DGKH: variants seen among roughly 807,000 people sequenced by gnomAD.
The protein encoded by DGKH is diacylglycerol kinase eta.
DGKH carries 90 observed loss-of-function variants against 159.3 expected under a neutral mutation model. That is an observed-to-expected ratio of 0.57 (90% CI 0.48 to 0.67). The LOEUF (loss-of-function observed/expected upper bound fraction) is 0.67. Ranked by LOEUF, DGKH falls within the 30% of genes least tolerant of loss-of-function variation. The probability of loss-of-function intolerance (pLI) is 0.00; values close to 1 mark genes in which losing one functional copy is unlikely to be tolerated. For missense variants in DGKH, 1,181 were observed against 1,506.1 expected (o/e 0.78, Z 3.57); for synonymous variants, 536 against 553.8 (o/e 0.97, Z 0.45).
In DGKH at chr13:42,164,524, C is replaced by A. The variant is rs575100274; in HGVS notation, c.856-807C>A. On this transcript the variant is annotated intron_variant, in intron 7 of 29. Coordinates refer to ENST00000337343, the MANE Select transcript of DGKH (RefSeq NM_178009.5). ...TAATTATGCCAGTTTTCTAAAAGGA[C>A]TAATAAAATAAAGTCATATTAAATA... Among the ~76,000 whole-genome samples, 8 of 152,246 alleles carry A rather than the reference C, an allele frequency of 5.3e-5. No individual in the cohort carries two copies. In the South Asian group the frequency reaches 1.2e-3, roughly 24 times the overall value.
chr13:42,252,432 G>C (rs1206209557), exon 30 of DGKH: 1 of 151,954 alleles, frequency 6.6e-6, no homozygotes, highest in Non-Finnish European at 1.5e-5. Flanking sequence ...GTTCAAGATG[G>C]TCACCTGCTT....
At chr13:42,081,524 C>T (rs1477908944) in intron 1 of DGKH, among the ~76,000 whole-genome samples, 2 of 152,230 alleles carry the variant, frequency 1.3e-5, no homozygotes, top group African/African-American at 4.8e-5. Flanking sequence ...GCTACTGCGC[C>T]TGGCCTTTTT....
chr13:42,228,720 A>G (rs74855192), intron 29 of DGKH, among the ~76,000 whole-genome samples: 1 of 146,984 alleles, frequency 6.8e-6, no homozygotes, highest in East Asian at 2.0e-4. Flanking sequence ...AGAAAGAAAG[A>G]AAAGAAAGAA....
rs1555256374 is a variant in DGKH, at chr13:42,063,948, A to AAAT, written c.192+14984_192+14985insATA. On this transcript the variant is annotated intron_variant, in intron 1 of 29. Transcript: ENST00000337343. ...GAGCAAAACTCCGTCTGAAAAAAAA[A>AAAT]ATATATATATATATATACTGTGGGC... Among the ~76,000 whole-genome samples, 1,185 of 128,826 alleles carry AAAT rather than the reference A, an allele frequency of 9.2e-3. 18 individuals are homozygous for AAAT. The highest frequency in any genetic ancestry group is 0.029 in the African/African-American group (1,121 of 38,852). 84.5% of individuals were successfully genotyped at this position (128,826 alleles called of 152,430 possible).
intron 3 of DGKH, among the ~76,000 whole-genome samples, chr13:42,152,109 C>T (rs116551086): frequency 1.4e-3 from 211 of 152,058 alleles, no homozygotes; most frequent in African/African-American, 4.4e-3. Context: ...TGTCCTTTGC[C>T]CACTTTTTAA....
chr13:42,051,080 A>G (rs1050438900), intron 1 of DGKH, among the ~76,000 whole-genome samples: 1 of 152,226 alleles, frequency 6.6e-6, no homozygotes, highest in Admixed American at 6.5e-5. Flanking sequence ...AGCTAAGATT[A>G]TATGCTTATG....
chr13:42,106,138 G>A (rs1031752016), intron 1 of DGKH, among the ~76,000 whole-genome samples: 1 of 152,222 alleles, frequency 6.6e-6, no homozygotes, highest in South Asian at 2.1e-4. Flanking sequence ...CTCCTGAGTA[G>A]CTGGAATTAC....
At chr13:42,106,276 G>A (rs1954753858) in intron 1 of DGKH, among the ~76,000 whole-genome samples, 1 of 152,150 alleles carries the variant, frequency 6.6e-6, no homozygotes, top group African/African-American at 2.4e-5. Flanking sequence ...CCAAAGTGCT[G>A]GGATTACAGG....
chr13:42,157,959 C>T (rs1956084094), intron 5 of DGKH, among the ~76,000 whole-genome samples: 2 of 152,136 alleles, frequency 1.3e-5, no homozygotes, highest in South Asian at 2.1e-4. Flanking sequence ...AAGGTTTCAC[C>T]TTTGTGACCA....
chr13:42,168,182 GC>G (rs1472984416), intron 9 of DGKH, among the ~76,000 whole-genome samples: 9 of 152,054 alleles, frequency 5.9e-5, no homozygotes, highest in Non-Finnish European at 2.9e-5. Flanking sequence ...GGTTTCTGCT[GC>G]TTTTTTGTTT....
chr13:42,256,570 T>A, exon 31 of DGKH: 1 of 669,844 alleles, frequency 1.5e-6, no homozygotes, highest in Non-Finnish European at 2.7e-6. Flanking sequence ...AACGTGTATA[T>A]AATTTTTTAA....
At chr13:42,121,324 G>T (rs998823506) in intron 1 of DGKH, among the ~76,000 whole-genome samples, 1 of 152,170 alleles carries the variant, frequency 6.6e-6, no homozygotes, top group African/African-American at 2.4e-5. Flanking sequence ...CCACCTGTAG[G>T]CTAACGTAAG....
At chr13:42,078,327 G>T (rs892202252) in intron 1 of DGKH, among the ~76,000 whole-genome samples, 1 of 152,150 alleles carries the variant, frequency 6.6e-6, no homozygotes, top group Non-Finnish European at 1.5e-5. Context: ...TCAGGAGGCC[G>T]CTCCTATTAC....
At chr13:42,099,725 A>G (rs904869200) in intron 1 of DGKH, among the ~76,000 whole-genome samples, 1 of 152,216 alleles carries the variant, frequency 6.6e-6, no homozygotes, top group Non-Finnish European at 1.5e-5. Context: ...AAGCATAAGT[A>G]TGATAAATAA....
chr13:42,171,916 G>A (rs1255336608), intron 11 of DGKH, among the ~76,000 whole-genome samples: 11 of 142,892 alleles, frequency 7.7e-5, no homozygotes, highest in South Asian at 2.2e-4. Flanking sequence ...TGCAAGCTCC[G>A]CCTCCCAGGT....
intron 1 of DGKH, chr13:42,066,302 TA>T (rs1447343652): frequency 6.6e-6 from 1 of 152,196 alleles, no homozygotes; most frequent in Non-Finnish European, 1.5e-5. Context: ...GATGAATGGA[TA>T]AACAAAATGT....
At chr13:42,165,203 A>T in intron 7 of DGKH, 128 bp from the exon 8 acceptor site, 1 of 478,462 alleles carries the variant, frequency 2.1e-6, no homozygotes, top group Non-Finnish European at 3.7e-6. Context: ...TATACCATTT[A>T]AAGTAGTTTA....
At chr13:42,199,777 A>C in intron 19 of DGKH, 36 bp from the exon 20 acceptor site, 3 of 1,584,118 alleles carry the variant, frequency 1.9e-6, no homozygotes, top group Non-Finnish European at 2.6e-6. Flanking sequence ...AAATAAATAA[A>C]ATTTCCTGAA....
chr13:42,127,546 C>T lies in DGKH; in HGVS notation c.276C>T (p.Arg92=), dbSNP rs2137840905. 1 of 1,613,704 alleles carries T rather than the reference C, an allele frequency of 6.2e-7. No homozygotes were observed. The highest frequency in any genetic ancestry group is 1.1e-5 in the South Asian group (1 of 91,060). The change falls in exon 2 of 30, where the codon CGC becomes CGT. Residue 92 remains arginine (R), a synonymous_variant. Transcript: ENST00000337343. ...WKKRYFKLRG[R]TLYYAKDSKS... is the part of the protein sequence containing the mutation. ...AGCGATACTTCAAACTTCGAGGCCG[C>T]ACCCTTTACTATGCAAAGGACTCAA...
Sources: gnomAD v4.1 joint callset for allele counts (sites outside exome capture counted in the v4.1 genomes callset) on GRCh38, gnomAD v4.1.1 for gene constraint, MANE v1.5 for transcripts, NCBI Gene and HGNC (gene_info 2026-07-23, HGNC 2026-07-21) for gene names.